Variants in VGLL4 observed in about 807,000 individuals in gnomAD.
VGLL4 encodes the protein vestigial like family member 4.
VGLL4 carries 7 observed loss-of-function variants against 21.0 expected under a neutral mutation model. The ratio of observed to expected loss-of-function variants is 0.33; its 90% CI spans 0.19 to 0.63. VGLL4 has a LOEUF of 0.63. Among genes scored for constraint, VGLL4 ranks in the 20% least tolerant of loss-of-function variants. VGLL4 has a pLI of 0.78. For missense variants in VGLL4, 394 were observed against 425.7 expected (o/e 0.93, Z 0.66); for synonymous variants, 222 against 173.2 (o/e 1.28, Z -2.21).
chr3:11,659,490 C>T (rs1291193607), intron 2 of VGLL4, among the ~76,000 whole-genome samples: 2 of 151,912 alleles, frequency 1.3e-5, no homozygotes, highest in African/African-American at 4.8e-5. Flanking sequence ...CACCACCACG[C>T]CCAGCTAATT....
intron 2 of VGLL4, among the ~76,000 whole-genome samples, chr3:11,572,300 CT>C (rs1412142870): frequency 6.6e-6 from 1 of 152,264 alleles, no homozygotes; most frequent in Admixed American, 6.5e-5. Flanking sequence ...GGCTAAGTAA[CT>C]TTTCTAAGTT....
At chr3:11,615,886 T>C (rs1425925125) in intron 1 of VGLL4, among the ~76,000 whole-genome samples, 1 of 152,208 alleles carries the variant, frequency 6.6e-6, no homozygotes, top group African/African-American at 2.4e-5. Context: ...TAGCAAATAT[T>C]TGTTGAATAA....
chr3:11,587,967 G>A (rs1213094408), intron 2 of VGLL4, among the ~76,000 whole-genome samples: 1 of 152,214 alleles, frequency 6.6e-6, no homozygotes, highest in Non-Finnish European at 1.5e-5. Context: ...TTCGTTTTCT[G>A]TTTTCAAGAG....
intron 1 of VGLL4, among the ~76,000 whole-genome samples, chr3:11,623,309 G>C (rs1575464253): frequency 6.6e-6 from 1 of 152,286 alleles, no homozygotes; most frequent in East Asian, 1.9e-4. Flanking sequence ...AGAGAAATTA[G>C]TCATCCTTTG....
intron 2 of VGLL4, among the ~76,000 whole-genome samples, chr3:11,682,982 C>A (rs1190431808): frequency 2.0e-5 from 3 of 152,196 alleles, no homozygotes; most frequent in African/African-American, 7.2e-5. Flanking sequence ...AATCCCAGAA[C>A]TTTGGGAGGC....
chr3:11,701,805 C>T (rs546799618), intron 2 of VGLL4, among the ~76,000 whole-genome samples: 22 of 152,264 alleles, frequency 1.4e-4, no homozygotes, highest in African/African-American at 4.6e-4. Context: ...AAAACGTCAA[C>T]CTAAATTTTT....
chr3:11,578,752 T>TC lies in VGLL4; in HGVS notation c.273-13734_273-13733insG, dbSNP rs1394090517. Among the ~76,000 whole-genome samples, 9 of 133,442 alleles carry TC rather than the reference T, an allele frequency of 6.7e-5. No individual in the cohort carries two copies. The South Asian group carries it at 7.5e-4, about 11-fold the overall frequency. 87.5% of individuals were successfully genotyped at this position (133,442 alleles called of 152,430 possible). A position where few individuals can be genotyped will look rare whatever the true frequency, so the allele number is the denominator to read the frequency against. The stretch of plus-strand genomic sequence containing the variant: ...GAGGCATCTACTGTATATTTTCTTT[T>TC]TTTTTTTTTTTTTTTGAGATGGAGT... On this transcript the variant is annotated intron_variant, in intron 2 of 4. Coordinates refer to ENST00000430365, the MANE Select transcript of VGLL4 (RefSeq NM_001128219.3).
intron 3 of VGLL4, 47 bp from the exon 4 acceptor site, chr3:11,559,502 G>T: frequency 6.7e-7 from 1 of 1,501,440 alleles, no homozygotes. Context: ...CTTCAGTACC[G>T]GGCACCACCC....
intron 4 of VGLL4, 55 bp downstream of exon 4, chr3:11,559,277 G>A: frequency 6.8e-7 from 1 of 1,475,454 alleles, no homozygotes; most frequent in Non-Finnish European, 9.0e-7. Flanking sequence ...TGACAGAGAA[G>A]GGCTCTGCTG....
In VGLL4 at chr3:11,566,338, C is replaced by T. The variant is rs549764354; in HGVS notation, c.273-1319G>A. Reference sequence around the variant, plus strand: ...CATGCACCCTTTACCTTGACTCCCGCGATGGTGACATCTTGTAAAACTACA... The same window carrying T: ...CATGCACCCTTTACCTTGACTCCCGTGATGGTGACATCTTGTAAAACTACA... On this transcript the variant is annotated intron_variant, in intron 2 of 4. Transcript: ENST00000430365. 3.8e-4 allele frequency among the ~76,000 whole-genome samples: 58 copies of T among 152,292 alleles called. 3 individuals are homozygous for T. The South Asian group carries it at 0.011, about 30-fold the overall frequency.
chr3:11,678,398 T>A (rs1575523303), intron 2 of VGLL4, among the ~76,000 whole-genome samples: 1 of 152,344 alleles, frequency 6.6e-6, no homozygotes, highest in Middle Eastern at 3.4e-3. Context: ...AATGCCTCTC[T>A]GACCCACAGC....
intron 2 of VGLL4, among the ~76,000 whole-genome samples, chr3:11,592,541 C>T (rs923537502): frequency 6.6e-6 from 1 of 152,200 alleles, no homozygotes; most frequent in Admixed American, 6.5e-5. Flanking sequence ...ATGAACAGTC[C>T]CCACCTCCCA....
chr3:11,681,753 T>G (rs2076374671), intron 2 of VGLL4, among the ~76,000 whole-genome samples: 1 of 152,246 alleles, frequency 6.6e-6, no homozygotes, highest in African/African-American at 2.4e-5. Context: ...GAGTGTCAGA[T>G]GCAGCCCAAG....
chr3:11,679,810 T>G (rs2076345317), intron 2 of VGLL4, among the ~76,000 whole-genome samples: 1 of 152,212 alleles, frequency 6.6e-6, no homozygotes, highest in African/African-American at 2.4e-5. Context: ...TAAAAAAAGT[T>G]TATCAAGTTA....
At chr3:11,566,302 C>T (rs559252317) in intron 2 of VGLL4, among the ~76,000 whole-genome samples, 10 of 152,326 alleles carry the variant, frequency 6.6e-5, no homozygotes, top group Non-Finnish European at 1.5e-5. Context: ...AGAAACAACA[C>T]ACGGCCATCC....
intron 2 of VGLL4, among the ~76,000 whole-genome samples, chr3:11,593,692 G>A (rs6442263): frequency 0.79 from 120,379 of 152,158 alleles, 48,204 homozygotes; most frequent in Non-Finnish European, 0.86. Context: ...GCCCAAGCCT[G>A]GAATACACAC....
At chr3:11,574,023 C>G (rs1450933426) in intron 2 of VGLL4, among the ~76,000 whole-genome samples, 2 of 152,170 alleles carry the variant, frequency 1.3e-5, no homozygotes, top group Non-Finnish European at 2.9e-5. Context: ...ATGCCAGAGG[C>G]CACCAGCAGC....
At chr3:11,634,390 C>T (rs2075545862) in intron 1 of VGLL4, among the ~76,000 whole-genome samples, 1 of 152,174 alleles carries the variant, frequency 6.6e-6, no homozygotes, top group Non-Finnish European at 1.5e-5. Context: ...GGATCTCATA[C>T]GTCTATCCAC....
intron 2 of VGLL4, 91 bp downstream of exon 2, chr3:11,601,742 A>C: frequency 7.2e-7 from 1 of 1,389,876 alleles, no homozygotes; most frequent in African/African-American, 1.5e-5. Flanking sequence ...AAGTATGCAA[A>C]TGATAACATC....
Sources: gnomAD v4.1 joint callset for allele counts (sites outside exome capture counted in the v4.1 genomes callset) on GRCh38, gnomAD v4.1.1 for gene constraint, MANE v1.5 for transcripts, NCBI Gene and HGNC (gene_info 2026-07-23, HGNC 2026-07-21) for gene names.